CERCAM: variants seen among roughly 807,000 people sequenced by gnomAD.
CERCAM encodes the protein cerebral endothelial cell adhesion molecule.
A neutral mutation model predicts 66.0 loss-of-function variants in CERCAM; 59 were observed. The ratio of observed to expected loss-of-function variants is 0.89; its 90% CI spans 0.73 to 1.11. The LOEUF is 1.11. CERCAM is among the 50% of genes most tolerant of loss of function. The pLI is 0.00. For missense variants in CERCAM, 840 were observed against 828.3 expected, an observed-to-expected ratio of 1.01 and a Z score of -0.17; for synonymous variants, 318 against 343.6, an observed-to-expected ratio of 0.93 and a Z score of 0.83.
intron 12 of CERCAM, among the ~76,000 whole-genome samples, chr9:128,436,554 A>G (rs1019372166): frequency 6.6e-6 from 1 of 151,258 alleles, no homozygotes; most frequent in African/African-American, 2.4e-5. Context: ...GGCCTTTTGT[A>G]TTTTTAGTAG....
chr9:128,432,636 C>T (rs1834002358), intron 9 of CERCAM, among the ~76,000 whole-genome samples: 2 of 152,078 alleles, frequency 1.3e-5, no homozygotes, highest in Admixed American at 6.6e-5. Flanking sequence ...TTCCACCCAC[C>T]TCAGCCTCCA....
At chr9:128,432,380 C>CTTTT (rs1269523487) in intron 9 of CERCAM, among the ~76,000 whole-genome samples, 5 of 118,280 alleles carry the variant, frequency 4.2e-5, no homozygotes, top group African/African-American at 9.7e-5. Context: ...TGGTTCACTA[C>CTTTT]TTTTTTTTTT....
At chr9:128,421,650 C>G in intron 1 of CERCAM, 2 of 454,882 alleles carry the variant, frequency 4.4e-6, no homozygotes, top group Non-Finnish European at 5.8e-6. Flanking sequence ...GGCAGTCCCC[C>G]TTCCTGGAGC....
chr9:128,431,313 C>T lies in CERCAM; in HGVS notation c.1203+10C>T, dbSNP rs1379989371. On this transcript the variant is annotated intron_variant, in intron 9 of 12. Coordinates refer to ENST00000372838, the MANE Select transcript of CERCAM (RefSeq NM_016174.5). ...CTCCATCTGGGAAGAGGTGAGGGTG[C>T]CTGCTTCCTCCATCCACAGCCTTCG... is the stretch of plus-strand genomic sequence containing the variant. 6.2e-7 allele frequency: 1 copy of T among 1,613,744 alleles called. No homozygotes were observed.
At chr9:128,431,391 A>G in intron 9 of CERCAM, 88 bp downstream of exon 9, 2 of 1,530,816 alleles carry the variant, frequency 1.3e-6, no homozygotes, top group South Asian at 1.2e-5. Context: ...GAGTGAGTGA[A>G]TGAAGACATT....
At chr9:128,435,562 T>TGGGCAGGCAAGGTGCCTGGCTCC in intron 11 of CERCAM, 91 bp from the exon 12 acceptor site, 4 of 1,428,782 alleles carry the variant, frequency 2.8e-6, no homozygotes, top group Non-Finnish European at 2.8e-6. Context: ...TGAGGTGCTT[T>TGGGCAGGCAAGGTGCCTGGCTCC]GGGCAGGCAA....
In CERCAM at chr9:128,434,083, AC is replaced by A; in HGVS notation, c.1204-15del. 1 of 1,613,422 alleles carries A rather than the reference AC, an allele frequency of 6.2e-7. No homozygotes were observed. ...GTTTAACTCCGAAGAGCCATCTCCC[AC>A]CCCATTGTATGCCACAGGTGGTTGC... On this transcript the variant is annotated intron_variant, in intron 9 of 12. Transcript: ENST00000372838. This position sits in a 1 kb window ranked among gnomAD's most constrained non-coding sequence, Gnocchi z 4.5.
intron 8 of CERCAM, among the ~76,000 whole-genome samples, 199 bp downstream of exon 8, chr9:128,429,235 C>T (rs181484206): frequency 6.6e-6 from 1 of 152,300 alleles, no homozygotes; most frequent in African/African-American, 2.4e-5. Context: ...CTGCTGCTCA[C>T]CAGAGGAGGA....
In CERCAM at chr9:128,437,317, G is replaced by A. The variant is rs1040676433; in HGVS notation, c.*469G>A. ...CAGACATGTTGCCCAGCACACAGTA[G>A]GCCCTCAATAAAAGCCATTTGCACT... On this transcript the variant is annotated 3_prime_UTR_variant, in exon 13 of 13. Coordinates refer to ENST00000372838, the MANE Select transcript of CERCAM (RefSeq NM_016174.5). 1 of 148,852 alleles carries A rather than the reference G, an allele frequency of 6.7e-6. No individual in the cohort carries two copies. The highest frequency in any genetic ancestry group is 2.5e-5 in the African/African-American group (1 of 40,112). The allele number at this position is 148,852 out of a possible 1,614,324, so 9.2% of individuals were successfully genotyped here. A position where few individuals can be genotyped will look rare whatever the true frequency, so the allele number is the denominator to read the frequency against.
rs201470860 is a variant in CERCAM, at chr9:128,434,658, C to A, written c.1535+45C>A. The A allele has an allele frequency of 1.4e-5, 22 of 1,557,284 alleles. No homozygotes were observed. Among genetic ancestry groups the A allele is most frequent in the Non-Finnish European group, 1.7e-5 (20 of 1,147,146 alleles). ...CGGGCATGGCAGGGCAGAGGCGTCC[C>A]CTCCAGGAACTCACCTCAGTCAGCA... On this transcript the variant is annotated intron_variant, in intron 11 of 12. Transcript: ENST00000372838. The surrounding 1 kb of genome is among the most constrained non-coding windows in gnomAD (Gnocchi z 4.5).
chr9:128,428,169 C>A, intron 5 of CERCAM, 133 bp from the exon 6 acceptor site: 2 of 1,047,394 alleles, frequency 1.9e-6, no homozygotes, highest in Non-Finnish European at 2.7e-6. Flanking sequence ...CCCTCTGGTC[C>A]CACAGGTGGG....
chr9:128,424,363 A>G (rs879174854), intron 4 of CERCAM, 47 bp from the exon 5 acceptor site: 2 of 1,612,066 alleles, frequency 1.2e-6, no homozygotes, highest in South Asian at 1.1e-5. Flanking sequence ...GTCTGTGGGC[A>G]GGGGCAGGGG....
chr9:128,434,258 G>A lies in CERCAM; in HGVS notation c.1331+29G>A, dbSNP rs1834051072. ...GGCAGCCTGCACCCTCAGGGACAAGGGGGCAGGGTGGGCCTCCGGAGTCTG... is the reference window on the plus strand; with the variant it reads ...GGCAGCCTGCACCCTCAGGGACAAGAGGGCAGGGTGGGCCTCCGGAGTCTG... On this transcript the variant is annotated intron_variant, in intron 10 of 12. Transcript: ENST00000372838. This position sits in a 1 kb window ranked among gnomAD's most constrained non-coding sequence, Gnocchi z 4.5. 2.5e-6 allele frequency: 4 copies of A among 1,613,006 alleles called. No homozygotes were observed. Among genetic ancestry groups the A allele is most frequent in the Non-Finnish European group, 2.5e-6 (3 of 1,179,380 alleles).
chr9:128,424,974 C>T (rs753853151), intron 5 of CERCAM, among the ~76,000 whole-genome samples: 2 of 151,856 alleles, frequency 1.3e-5, no homozygotes, highest in Admixed American at 1.3e-4. Flanking sequence ...CCACCCGCCT[C>T]GGCCTCCCAA....
intron 3 of CERCAM, 186 bp from the exon 4 acceptor site, chr9:128,423,952 C>A (rs77157348): frequency 0.17 from 109,251 of 656,688 alleles, 10,667 homozygotes; most frequent in East Asian, 0.38. Context: ...GACCCAGTCC[C>A]TGAGTCAGTG....
chr9:128,431,019 C>A, intron 8 of CERCAM, 152 bp from the exon 9 acceptor site: 1 of 949,054 alleles, frequency 1.1e-6, no homozygotes, highest in Non-Finnish European at 1.6e-6. Context: ...GGTCCAGTCC[C>A]TTGACAGCTT....
In CERCAM at chr9:128,422,535, T is replaced by TA. The variant is rs1274384276; in HGVS notation, c.198-332dup. On this transcript the variant is annotated intron_variant, in intron 1 of 12. Transcript: ENST00000372838. Reference sequence around the variant, plus strand: ...GTGAGTCGAGATCATACCACTGCACTACAGCCTGGGCGACAGAGCAAGATT... The same window carrying TA: ...GTGAGTCGAGATCATACCACTGCACTAACAGCCTGGGCGACAGAGCAAGATT... The TA allele has an allele frequency of 2.5e-5, 6 of 242,652 alleles. No homozygotes were observed. The East Asian group carries it at 5.4e-4, about 22-fold the overall frequency. 15.0% of individuals were successfully genotyped at this position (242,652 alleles called of 1,614,324 possible). A position where few individuals can be genotyped will look rare whatever the true frequency, so the allele number is the denominator to read the frequency against.
chr9:128,427,841 A>T (rs1833880932), intron 5 of CERCAM: 1 of 148,500 alleles, frequency 6.7e-6, no homozygotes, highest in Non-Finnish European at 1.5e-5. Flanking sequence ...CATCGTGGAG[A>T]GGAGCCCCAG....
intron 9 of CERCAM, among the ~76,000 whole-genome samples, chr9:128,433,785 C>T (rs1259477610): frequency 6.6e-6 from 1 of 152,248 alleles, no homozygotes; most frequent in East Asian, 1.9e-4. Context: ...CCACCTCCTT[C>T]CTGCGATTGA....
Sources: allele counts gnomAD v4.1 joint callset (sites outside exome capture counted in the v4.1 genomes callset), GRCh38; gene constraint gnomAD v4.1.1; non-coding constraint Gnocchi (gnomAD v3.1); transcripts MANE v1.5; gene names NCBI Gene and HGNC (gene_info 2026-07-23, HGNC 2026-07-21).